The following TTLL6 variants were observed in gnomAD, a reference collection of about 807,000 sequenced individuals.
The protein encoded by TTLL6 is tubulin polyglutamylase TTLL6.
TTLL6 carries 75 observed loss-of-function variants against 96.4 expected under a neutral mutation model. The observed-to-expected ratio is 0.78, with a 90% CI of 0.65 to 0.94. TTLL6 has a LOEUF of 0.94. Among genes scored for constraint, TTLL6 ranks in the 40% least tolerant of loss-of-function variants. The pLI, the probability that TTLL6 is intolerant of heterozygous loss-of-function variation, is 0.00. For missense variants in TTLL6, 1,030 were observed against 1,093.0 expected, an observed-to-expected ratio of 0.94 and a Z score of 0.81; for synonymous variants, 411 against 419.4, an observed-to-expected ratio of 0.98 and a Z score of 0.24.
At position 48,770,009 on chromosome 17, in the gene TTLL6, C is replaced by T; in HGVS notation, c.2129G>A (p.Ser710Asn). The T allele has an allele frequency of 6.2e-7, 1 of 1,614,142 alleles. No homozygotes were observed. ...KSPPTLAVTA[S>N]SEYSGPETDR... ...CGTCTCTGGGCCACTGTACTCAGAG[C>T]TGGCGGTCACAGCCAGGGTTGGCGG... The change falls in exon 14 of 16, where the codon AGC becomes AAC. Residue 710 changes from serine to asparagine, a missense_variant. Ser to Asn is a conservative substitution (Grantham distance 46). Transcript: ENST00000393382.
At chr17:48,807,431 T>C (rs2039520764) in intron 1 of TTLL6, among the ~76,000 whole-genome samples, 1 of 152,164 alleles carries the variant, frequency 6.6e-6, no homozygotes, top group Non-Finnish European at 1.5e-5. Context: ...AATATAATTG[T>C]AATCAATTTT....
chr17:48,764,476 C>T (rs2038554081), intron 15 of TTLL6, among the ~76,000 whole-genome samples: 2 of 152,112 alleles, frequency 1.3e-5, no homozygotes, highest in South Asian at 4.1e-4. Flanking sequence ...ATAACGTCTG[C>T]CTTGCCAACC....
chr17:48,770,887 C>T (rs1355333617), intron 13 of TTLL6, among the ~76,000 whole-genome samples: 2 of 151,916 alleles, frequency 1.3e-5, no homozygotes, highest in Non-Finnish European at 2.9e-5. Context: ...CATTGTCCTC[C>T]AGCCTGGGTG....
chr17:48,800,096 CAT>C (rs2039383755), intron 5 of TTLL6: 1 of 236,042 alleles, frequency 4.2e-6, no homozygotes, highest in Admixed American at 4.9e-5. Flanking sequence ...AGTTGCATGA[CAT>C]AATGCAGGCA....
At chr17:48,801,815 T>C (rs2039420686) in intron 3 of TTLL6, among the ~76,000 whole-genome samples, 172 bp from the exon 4 acceptor site, 1 of 151,800 alleles carries the variant, frequency 6.6e-6, no homozygotes. Flanking sequence ...TCAAACACTG[T>C]CACTGCATCA....
chr17:48,777,678 C>A (rs2038902768), intron 13 of TTLL6, among the ~76,000 whole-genome samples: 1 of 151,380 alleles, frequency 6.6e-6, no homozygotes, highest in Non-Finnish European at 1.5e-5. Flanking sequence ...TTGCAATGAG[C>A]TGAGGTCGTG....
At chr17:48,776,946 A>G (rs1156446097) in intron 13 of TTLL6, among the ~76,000 whole-genome samples, 2 of 151,656 alleles carry the variant, frequency 1.3e-5, no homozygotes, top group African/African-American at 4.8e-5. Flanking sequence ...GACTTATATT[A>G]TCTAATTCTA....
chr17:48,786,392 G>A lies in TTLL6; in HGVS notation c.1590-57C>T, dbSNP rs192932583. On this transcript the variant is annotated intron_variant, in intron 11 of 15. Coordinates refer to ENST00000393382, the MANE Select transcript of TTLL6 (RefSeq NM_001130918.3). ...GGTTAGAAATGCGCTGCGCAGGCAG[G>A]CATTCTCCTTGAGGGATGGACATGA... 74 of 1,607,204 alleles carry A rather than the reference G, an allele frequency of 4.6e-5. No homozygotes were observed. The East Asian group carries it at 1.5e-3, about 33-fold the overall frequency.
At chr17:48,784,153 G>C (rs1320035018) in intron 13 of TTLL6, among the ~76,000 whole-genome samples, 2 of 152,146 alleles carry the variant, frequency 1.3e-5, no homozygotes, top group Non-Finnish European at 2.9e-5. Flanking sequence ...GCCAGGCGTG[G>C]TGGCTCACGT....
intron 13 of TTLL6, among the ~76,000 whole-genome samples, chr17:48,779,798 C>T (rs932808549): frequency 6.6e-6 from 1 of 152,042 alleles, no homozygotes; most frequent in East Asian, 1.9e-4. Flanking sequence ...CCAAAGAAGC[C>T]AGACACAAAA....
Position 48,803,890 on chromosome 17 carries a change from C to T in TTLL6, c.361+1G>A, listed in dbSNP as rs766844413. Reference sequence around the variant, plus strand: ...TAGATCTCCTGAATGTAGATGCTCACCACTCTCATACCGGCAGCTGGATAG... The same window carrying T: ...TAGATCTCCTGAATGTAGATGCTCATCACTCTCATACCGGCAGCTGGATAG... On this transcript the variant is annotated splice_donor_variant, in intron 3 of 15. Transcript: ENST00000393382. LOFTEE classifies it high-confidence loss of function. The T allele has an allele frequency of 1.3e-6, 2 of 1,552,024 alleles. No individual in the cohort carries two copies. The highest frequency in any genetic ancestry group is 1.7e-6 in the Non-Finnish European group (2 of 1,147,060).
intron 13 of TTLL6, among the ~76,000 whole-genome samples, chr17:48,773,792 T>C (rs2143218340): frequency 6.6e-6 from 1 of 151,856 alleles, no homozygotes; most frequent in Non-Finnish European, 1.5e-5. Context: ...CTTAAAAAAC[T>C]AGAAAAGTGG....
intron 4 of TTLL6, 59 bp from the exon 5 acceptor site, chr17:48,801,444 C>G: frequency 6.4e-7 from 1 of 1,551,178 alleles, no homozygotes. Flanking sequence ...TACAAGATCT[C>G]CTCGGGAGAC....
chr17:48,777,800 C>A (rs7208664), intron 13 of TTLL6, among the ~76,000 whole-genome samples: 46,078 of 150,650 alleles, frequency 0.31, 7,222 homozygotes, highest in Admixed American at 0.41. Context: ...AGTCCCAGCT[C>A]CTCAGGAGGC....
At chr17:48,808,200 A>G (rs981190816) in intron 1 of TTLL6, among the ~76,000 whole-genome samples, 2 of 152,192 alleles carry the variant, frequency 1.3e-5, no homozygotes, top group African/African-American at 4.8e-5. Context: ...GTATGTAACC[A>G]ATCATTGTCC....
Position 48,801,272 on chromosome 17 carries a change from G to C in TTLL6, c.594C>G (p.Thr198=). 1 of 1,551,692 alleles carries C rather than the reference G, an allele frequency of 6.4e-7. No homozygotes were observed. ...FPKDFRFFPR[T]WCLPADWGDL... is the part of the protein sequence containing the mutation. ...GCACTCACTCAGCAGGAAGACACCA[G>C]GTCCTAGGGAAAAAGCGGAAATCTT... The change falls in exon 5 of 16, where the codon ACC becomes ACG. Residue 198 remains threonine (T), a synonymous_variant. Transcript: ENST00000393382.
intron 10 of TTLL6, 45 bp downstream of exon 10, chr17:48,789,886 G>T: frequency 6.3e-7 from 1 of 1,597,742 alleles, no homozygotes; most frequent in South Asian, 1.1e-5. Context: ...TGGGAGCAGG[G>T]GAGTCAGAGA....
At chr17:48,794,359 T>C in intron 8 of TTLL6, 1 of 1,547,226 alleles carries the variant, frequency 6.5e-7, no homozygotes, top group Non-Finnish European at 8.7e-7. Context: ...ACACTGTCTG[T>C]GTTGCCATCA....
At chr17:48,778,844 C>G (rs896614504) in intron 13 of TTLL6, among the ~76,000 whole-genome samples, 2 of 150,564 alleles carry the variant, frequency 1.3e-5, no homozygotes, top group African/African-American at 4.9e-5. Context: ...GCAGGAGAAT[C>G]GCTTGAACCC....
Sources: allele counts gnomAD v4.1 joint callset (sites outside exome capture counted in the v4.1 genomes callset), GRCh38; gene constraint gnomAD v4.1.1; transcripts MANE v1.5; gene names NCBI Gene and HGNC (gene_info 2026-07-23, HGNC 2026-07-21).